The following C2orf92 variants were observed in gnomAD, a reference collection of about 807,000 sequenced individuals.
C2orf92 encodes chromosome 2 open reading frame 92.
chr2:97,667,683 C>T (rs1284298340), upstream of C2orf92, among the ~76,000 whole-genome samples: 4 of 152,038 alleles, frequency 2.6e-5, no homozygotes, highest in East Asian at 3.9e-4. Flanking sequence ...CTGCCTGCCT[C>T]GGCCTCCCAA....
At position 97,690,249 on chromosome 2, in the gene C2orf92, A is replaced by G; in HGVS notation, c.332-7A>G. Reference sequence around the variant, plus strand: ...TTATTGTTTTTTATTCATGTGTCTTATCAAAGGAACCAGCATTGCTTGGAA... The same window carrying G: ...TTATTGTTTTTTATTCATGTGTCTTGTCAAAGGAACCAGCATTGCTTGGAA... On this transcript the variant is annotated splice_polypyrimidine_tract_variant and splice_region_variant and intron_variant, in intron 4 of 7. Coordinates refer to ENST00000627399, the MANE Select transcript of C2orf92 (RefSeq NM_001351368.2). 2.5e-6 allele frequency: 1 copy of G among 398,994 alleles called. No homozygotes were observed. Among genetic ancestry groups the G allele is most frequent in the Non-Finnish European group, 4.4e-6 (1 of 226,024 alleles). The allele number at this position is 398,994 out of a possible 1,614,324, so 24.7% of individuals were successfully genotyped here. A position where few individuals can be genotyped will look rare whatever the true frequency, so the allele number is the denominator to read the frequency against.
At chr2:97,669,473 G>A (rs892941869), upstream of C2orf92, 9 of 244,866 alleles carry the variant, frequency 3.7e-5, no homozygotes, top group Non-Finnish European at 5.4e-5. Flanking sequence ...CAATTTAGTT[G>A]AAGTTTTATC....
intron 5 of C2orf92, 133 bp downstream of exon 5, chr2:97,690,460 A>C (rs1190881492): frequency 2.7e-6 from 1 of 375,940 alleles, no homozygotes; most frequent in African/African-American, 2.1e-5. Context: ...GGCTCACTGC[A>C]AACTCTGCCT....
In C2orf92 at chr2:97,681,106, C is replaced by CAAAAAAAA. The variant is rs58856044; in HGVS notation, c.232+5198_232+5205dup. ...CAGGAGACAGAGCGAGACTCCATCT[C>CAAAAAAAA]AAAAAAAAAAAAAAAAAAAAAAAAA... On this transcript the variant is annotated intron_variant, in intron 3 of 7. Transcript: ENST00000627399. Among the ~76,000 whole-genome samples the CAAAAAAAA allele has an allele frequency of 3.3e-4, 4 of 11,964 alleles. 1 individual carries two copies. The highest frequency in any genetic ancestry group is 6.8e-4 in the African/African-American group (4 of 5,850). The allele number at this position is 11,964 out of a possible 152,430, so 7.8% of individuals were successfully genotyped here.
At chr2:97,698,515 T>A (rs1676383667) in intron 5 of C2orf92, among the ~76,000 whole-genome samples, 1 of 152,276 alleles carries the variant, frequency 6.6e-6, no homozygotes. Context: ...ATTTTTATAG[T>A]ACTTCGTGTT....
At chr2:97,701,891 C>T (rs1676507606) in intron 7 of C2orf92, among the ~76,000 whole-genome samples, 1 of 152,070 alleles carries the variant, frequency 6.6e-6, no homozygotes, top group Non-Finnish European at 1.5e-5. Flanking sequence ...CAGTGCCTGT[C>T]TACACCCCCG....
At chr2:97,694,500 T>G (rs927648363) in intron 5 of C2orf92, 1 of 151,372 alleles carries the variant, frequency 6.6e-6, no homozygotes, top group African/African-American at 2.4e-5. Context: ...GACCTCATGA[T>G]CCGCCCGCCT....
At chr2:97,665,737 C>CTATCTCTATA (rs1675205762), upstream of C2orf92, 1 of 29,236 alleles carries the variant, frequency 3.4e-5, no homozygotes, top group Non-Finnish European at 6.4e-5. Flanking sequence ...CTCTCTCTCT[C>CTATCTCTATA]TATATATATA....
At chr2:97,671,131 A>G (rs1675399229) in intron 1 of C2orf92, 2 of 168,540 alleles carry the variant, frequency 1.2e-5, no homozygotes, top group Admixed American at 6.3e-5. Context: ...TACTAAACTA[A>G]TAAATTACTA....
chr2:97,686,922 G>A (rs1675982459), intron 3 of C2orf92, among the ~76,000 whole-genome samples: 2 of 152,172 alleles, frequency 1.3e-5, no homozygotes, highest in African/African-American at 4.8e-5. Flanking sequence ...GGAGACTGAG[G>A]TGGGAGGATC....
rs189866687 is a variant in C2orf92, at chr2:97,699,181, C to T, written c.514+45C>T. Reference sequence around the variant, plus strand: ...ATAAACTAAGTATGATGCTTAAATACGGACAACTTCTGAATGTGTCTTTTG... The same window carrying T: ...ATAAACTAAGTATGATGCTTAAATATGGACAACTTCTGAATGTGTCTTTTG... On this transcript the variant is annotated intron_variant, in intron 6 of 7. Transcript: ENST00000627399. The T allele has an allele frequency of 2.2e-3, 883 of 398,266 alleles. 5 individuals carry two copies. The highest frequency in any genetic ancestry group is 3.4e-3 in the Non-Finnish European group (764 of 225,920). The allele number at this position is 398,266 out of a possible 1,614,324, so 24.7% of individuals were successfully genotyped here.
rs77410234 is a variant in C2orf92, at chr2:97,682,567, A to G, written c.233-6328A>G. On this transcript the variant is annotated intron_variant, in intron 3 of 7. Coordinates refer to ENST00000627399, the MANE Select transcript of C2orf92 (RefSeq NM_001351368.2). The stretch of plus-strand genomic sequence containing the variant: ...TATAAACAGAAAAATCCTCAACAGA[A>G]CATTAGCAAACCAAAACCAATAGCC... Among the ~76,000 whole-genome samples the G allele has an allele frequency of 2.5e-3, 376 of 152,324 alleles. 2 individuals carry two copies. The highest frequency in any genetic ancestry group is 8.6e-3 in the African/African-American group (356 of 41,580).
intron 5 of C2orf92, among the ~76,000 whole-genome samples, chr2:97,691,760 G>T (rs1676145706): frequency 6.6e-6 from 1 of 152,082 alleles, no homozygotes; most frequent in South Asian, 2.1e-4. Context: ...CCTGTAGTCA[G>T]GAGTTCAAGA....
intron 7 of C2orf92, among the ~76,000 whole-genome samples, 178 bp from the exon 8 acceptor site, chr2:97,702,491 T>C (rs1301200977): frequency 6.6e-6 from 1 of 151,750 alleles, no homozygotes; most frequent in Non-Finnish European, 1.5e-5. Context: ...GGGAAGAGAG[T>C]ATCCCAGAGG....
intron 3 of C2orf92, among the ~76,000 whole-genome samples, chr2:97,681,814 T>C (rs1387081120): frequency 2.0e-5 from 3 of 150,812 alleles, no homozygotes; most frequent in Admixed American, 6.6e-5. Flanking sequence ...GCCGAGATGG[T>C]GCCACTGCAC....
intron 3 of C2orf92, 49 bp downstream of exon 3, chr2:97,675,977 C>T (rs1675564057): frequency 5.0e-6 from 2 of 398,448 alleles, no homozygotes; most frequent in Middle Eastern, 6.2e-4. Context: ...TGAAGAGTTG[C>T]ATGCTTGTCC....
At position 97,699,147 on chromosome 2, in the gene C2orf92, A is replaced by G. The variant is rs913185840; in HGVS notation, c.514+11A>G. ...GAGCAGCTAAACCAGGTGGGAATCT[A>G]TATGGCCTATAAACTAAGTATGATG... is the stretch of plus-strand genomic sequence containing the variant. On this transcript the variant is annotated intron_variant, in intron 6 of 7. Coordinates refer to ENST00000627399, the MANE Select transcript of C2orf92 (RefSeq NM_001351368.2). 7.5e-6 allele frequency: 3 copies of G among 398,470 alleles called. No individual in the cohort carries two copies. Among genetic ancestry groups the G allele is most frequent in the African/African-American group, 4.1e-5 (2 of 48,636 alleles). The allele number at this position is 398,470 out of a possible 1,614,324, so 24.7% of individuals were successfully genotyped here. A position where few individuals can be genotyped will look rare whatever the true frequency, so the allele number is the denominator to read the frequency against.
At chr2:97,681,684 C>T (rs1675779996) in intron 3 of C2orf92, among the ~76,000 whole-genome samples, 2 of 152,172 alleles carry the variant, frequency 1.3e-5, no homozygotes, top group Admixed American at 6.5e-5. Flanking sequence ...CGGTGAAACC[C>T]TGTCTCTACT....
intron 3 of C2orf92, among the ~76,000 whole-genome samples, chr2:97,682,446 C>G (rs1478878487): frequency 6.6e-6 from 1 of 152,200 alleles, no homozygotes; most frequent in Non-Finnish European, 1.5e-5. Flanking sequence ...GAAACACTTC[C>G]TGGCTTACTC....
Sources: allele counts gnomAD v4.1 joint callset (sites outside exome capture counted in the v4.1 genomes callset), GRCh38; gene constraint gnomAD v4.1.1; transcripts MANE v1.5; gene names NCBI Gene and HGNC (gene_info 2026-07-23, HGNC 2026-07-21).